TRAM2: variants seen among roughly 807,000 people sequenced by gnomAD.
The protein encoded by TRAM2 is translocating chain-associated membrane protein 2.
TRAM2 carries 12 observed loss-of-function variants against 51.0 expected under a neutral mutation model. The ratio of observed to expected loss-of-function variants is 0.24; its 90% CI spans 0.15 to 0.38. TRAM2 has a LOEUF of 0.38. TRAM2 is among the 10% of genes least tolerant of loss of function. TRAM2 has a pLI of 1.00. For missense variants in TRAM2, 361 were observed against 462.0 expected, an observed-to-expected ratio of 0.78 and a Z score of 2.00; for synonymous variants, 175 against 179.4, an observed-to-expected ratio of 0.98 and a Z score of 0.20.
At chr6:52,548,646 G>A (rs537582821) in intron 1 of TRAM2, among the ~76,000 whole-genome samples, 6 of 152,346 alleles carry the variant, frequency 3.9e-5, no homozygotes, top group African/African-American at 1.2e-4. Context: ...CCCCAGAAGC[G>A]GGACTAGAAT....
At chr6:52,524,212 A>C (rs1489406621) in intron 2 of TRAM2, 2 of 152,112 alleles carry the variant, frequency 1.3e-5, no homozygotes, top group African/African-American at 4.8e-5. Context: ...ACCTCAAAAC[A>C]CATTTTTAGA....
intron 6 of TRAM2, 46 bp from the exon 7 acceptor site, chr6:52,507,669 G>A: frequency 6.3e-7 from 1 of 1,587,532 alleles, no homozygotes. Flanking sequence ...TTCCCTAACT[G>A]AAGATTCAGG....
At chr6:52,556,897 C>A (rs1767415990) in intron 1 of TRAM2, among the ~76,000 whole-genome samples, 1 of 137,468 alleles carries the variant, frequency 7.3e-6, no homozygotes, top group African/African-American at 2.8e-5. Flanking sequence ...CACTGCACTT[C>A]AGCCTGGATG....
chr6:52,513,640 C>T (rs1437270873), intron 4 of TRAM2, among the ~76,000 whole-genome samples: 1 of 152,096 alleles, frequency 6.6e-6, no homozygotes, highest in Admixed American at 6.6e-5. Flanking sequence ...GAGAAATCAC[C>T]AGTACAAAGC....
intron 1 of TRAM2, among the ~76,000 whole-genome samples, chr6:52,560,249 T>C (rs1050708063): frequency 7.8e-6 from 1 of 127,758 alleles, no homozygotes; most frequent in Non-Finnish European, 1.7e-5. Flanking sequence ...CTGTCTCAAA[T>C]AAAAAAAAAA....
At chr6:52,533,332 G>C (rs1464351165) in intron 2 of TRAM2, among the ~76,000 whole-genome samples, 3 of 152,168 alleles carry the variant, frequency 2.0e-5, no homozygotes, top group Non-Finnish European at 2.9e-5. Context: ...TCTGTTATTA[G>C]GATTTTCAAG....
chr6:52,552,292 T>TCA (rs1330179492), intron 1 of TRAM2, among the ~76,000 whole-genome samples: 7 of 152,328 alleles, frequency 4.6e-5, no homozygotes, highest in African/African-American at 1.7e-4. Flanking sequence ...CCCAGCCCTT[T>TCA]CACTACCCCG....
At chr6:52,530,719 G>A (rs546136127) in intron 2 of TRAM2, among the ~76,000 whole-genome samples, 18 of 152,256 alleles carry the variant, frequency 1.2e-4, no homozygotes, top group African/African-American at 4.1e-4. Context: ...TCCAAGGAGC[G>A]CGGCCCCTCT....
At chr6:52,543,745 G>A (rs1327247739) in intron 1 of TRAM2, among the ~76,000 whole-genome samples, 1 of 152,198 alleles carries the variant, frequency 6.6e-6, no homozygotes, top group East Asian at 1.9e-4. Context: ...AATCAGTATA[G>A]ATGTGTCTGC....
At chr6:52,559,199 C>T in intron 1 of TRAM2, among the ~76,000 whole-genome samples, 1 of 152,202 alleles carries the variant, frequency 6.6e-6, no homozygotes, top group East Asian at 1.9e-4. Context: ...GAACCCCCAG[C>T]CCCCACTGTC....
At chr6:52,557,107 C>T (rs1393923212) in intron 1 of TRAM2, among the ~76,000 whole-genome samples, 2 of 149,520 alleles carry the variant, frequency 1.3e-5, no homozygotes, top group Non-Finnish European at 3.0e-5. Context: ...GCAGGAGAAT[C>T]GCATGGGCCT....
In TRAM2 at chr6:52,508,296, G is replaced by A. The variant is rs1172680629; in HGVS notation, c.493C>T (p.Leu165=). 1 of 1,613,894 alleles carries A rather than the reference G, an allele frequency of 6.2e-7. No homozygotes were observed. Among genetic ancestry groups the A allele is most frequent in the East Asian group, 2.2e-5 (1 of 44,880 alleles). ...HLPFQVKFFY[L]CQLAYWLHAL... is the part of the protein sequence containing the mutation. ...TGCAGCCAGTAGGCCAGCTGGCATA[G>A]GTAGAAAAACTTCACCTGGAAGCTG... The change falls in exon 6 of 11, where the codon CTA becomes TTA. Residue 165 remains leucine, a synonymous_variant. Transcript: ENST00000182527.
chr6:52,505,452 C>A, intron 9 of TRAM2, 147 bp downstream of exon 9: 1 of 1,129,928 alleles, frequency 8.9e-7, no homozygotes, highest in Non-Finnish European at 1.2e-6. Flanking sequence ...GCTATCTCTT[C>A]TCCCCTCAGG....
intron 1 of TRAM2, among the ~76,000 whole-genome samples, chr6:52,566,629 C>T (rs1767594619): frequency 6.6e-6 from 1 of 152,196 alleles, no homozygotes; most frequent in South Asian, 2.1e-4. Flanking sequence ...GGTGATCTGG[C>T]CCCACCTCCA....
chr6:52,539,506 T>C (rs923730227), intron 1 of TRAM2, among the ~76,000 whole-genome samples: 1 of 152,046 alleles, frequency 6.6e-6, no homozygotes, highest in Non-Finnish European at 1.5e-5. Flanking sequence ...TTTTTTTCTT[T>C]TTTAACAACT....
chr6:52,536,585 T>G (rs1268355209), intron 1 of TRAM2, among the ~76,000 whole-genome samples: 3 of 152,212 alleles, frequency 2.0e-5, no homozygotes, highest in African/African-American at 7.2e-5. Context: ...ATGCCAGCTC[T>G]GCCATTTTCT....
intron 1 of TRAM2, among the ~76,000 whole-genome samples, chr6:52,576,281 G>A (rs775719737): frequency 1.3e-5 from 2 of 152,228 alleles, no homozygotes; most frequent in African/African-American, 2.4e-5. Context: ...GTGAACATCC[G>A]AGCACGTTCC....
At chr6:52,551,950 A>C (rs1767317064) in intron 1 of TRAM2, among the ~76,000 whole-genome samples, 1 of 152,246 alleles carries the variant, frequency 6.6e-6, no homozygotes, top group African/African-American at 2.4e-5. Flanking sequence ...AGCATCTCCC[A>C]AGCCAATTAC....
chr6:52,541,803 GTT>G (rs56919932), intron 1 of TRAM2, among the ~76,000 whole-genome samples: 15 of 138,722 alleles, frequency 1.1e-4, no homozygotes, highest in Non-Finnish European at 1.2e-4. Flanking sequence ...AGTTTATTCT[GTT>G]TTTTTTTTTT....
Sources: allele counts gnomAD v4.1 joint callset (sites outside exome capture counted in the v4.1 genomes callset), GRCh38; gene constraint gnomAD v4.1.1; transcripts MANE v1.5; gene names NCBI Gene and HGNC (gene_info 2026-07-23, HGNC 2026-07-21).